Variants in PRKCB observed in about 807,000 individuals in gnomAD.
PRKCB encodes the protein protein kinase C beta type.
A neutral mutation model predicts 81.5 loss-of-function variants in PRKCB; 13 were observed. The observed-to-expected ratio is 0.16, with a 90% confidence interval of 0.10 to 0.25. The LOEUF (loss-of-function observed/expected upper bound fraction) is 0.25, where lower values mean the gene tolerates loss of function less well. PRKCB is among the 10% of genes least tolerant of loss of function. PRKCB has a pLI of 1.00. For missense variants in PRKCB, 509 were observed against 875.7 expected, an observed-to-expected ratio of 0.58 and a Z score of 5.29; for synonymous variants, 335 against 321.4, an observed-to-expected ratio of 1.04 and a Z score of -0.45.
At chr16:24,044,846 G>C (rs770952287) in intron 5 of PRKCB, among the ~76,000 whole-genome samples, 3 of 152,198 alleles carry the variant, frequency 2.0e-5, no homozygotes, top group African/African-American at 7.2e-5. Context: ...GAAAGGGTTA[G>C]GTTGCGTAAA....
intron 2 of PRKCB, among the ~76,000 whole-genome samples, chr16:23,867,070 TTCTTTCTCTTTCTTTCTTTC>T (rs1567295243): frequency 1.4e-5 from 1 of 69,156 alleles, no homozygotes; most frequent in East Asian, 3.2e-4. Context: ...CTCTCTTTCT[TTCTTTCTCTTTCTTTCTTTC>T]TCTTTCTTTC....
At chr16:24,180,202 C>T (rs1021170156) in intron 12 of PRKCB, among the ~76,000 whole-genome samples, 9 of 152,130 alleles carry the variant, frequency 5.9e-5, no homozygotes, top group Non-Finnish European at 1.0e-4. Flanking sequence ...CTTGGCCTCC[C>T]GAAGTGCTGG....
rs1436356431 is a variant in PRKCB, at chr16:23,836,005, G to T, written c.-171G>T. ...GCTGGACGAGCGGCAGCAGCTGGGC[G>T]AGTGACAGCCCCGGCTCCGCGCGCC... On this transcript the variant is annotated 5_prime_UTR_variant, in exon 1 of 17. Transcript: ENST00000643927. 3.4e-5 allele frequency: 8 copies of T among 234,196 alleles called. No homozygotes were observed. Among genetic ancestry groups the T allele is most frequent in the African/African-American group, 4.7e-5 (2 of 42,896 alleles). The allele number at this position is 234,196 out of a possible 1,614,324, so 14.5% of individuals were successfully genotyped here.
Position 23,988,462 on chromosome 16 carries a change from C to T in PRKCB, c.206-46C>T, listed in dbSNP as rs3729887. Reference sequence around the variant, plus strand: ...TCCCTTTCTCTCTCTTCCTCCTCTCCGCTTTCCTTCTTCCCTTCCTCCCAC... The same window carrying T: ...TCCCTTTCTCTCTCTTCCTCCTCTCTGCTTTCCTTCTTCCCTTCCTCCCAC... On this transcript the variant is annotated intron_variant, in intron 2 of 16. Transcript: ENST00000643927. 30,158 of 1,517,070 alleles carry T rather than the reference C, an allele frequency of 0.02. 409 individuals carry two copies. Among genetic ancestry groups the T allele is most frequent in the Non-Finnish European group, 0.021 (22,615 of 1,093,234 alleles). 94.0% of individuals were successfully genotyped at this position (1,517,070 alleles called of 1,614,324 possible).
chr16:24,199,970 A>G (rs1967933794), intron 16 of PRKCB, among the ~76,000 whole-genome samples: 2 of 152,252 alleles, frequency 1.3e-5, no homozygotes, highest in Admixed American at 1.3e-4. Flanking sequence ...CTGTTACATA[A>G]TAGAAAAAGA....
At chr16:24,209,015 G>A (rs1567413553) in intron 16 of PRKCB, among the ~76,000 whole-genome samples, 1 of 152,134 alleles carries the variant, frequency 6.6e-6, no homozygotes, top group Non-Finnish European at 1.5e-5. Context: ...GTGGGGAGAG[G>A]GAGGGGGAGG....
At chr16:24,120,770 A>G (rs1024998291) in intron 8 of PRKCB, among the ~76,000 whole-genome samples, 2 of 151,670 alleles carry the variant, frequency 1.3e-5, no homozygotes, top group East Asian at 3.9e-4. Flanking sequence ...GTCTCCCTTT[A>G]TCACTCAGGC....
chr16:23,990,399 A>T (rs551868412), intron 3 of PRKCB, among the ~76,000 whole-genome samples: 50 of 151,968 alleles, frequency 3.3e-4, no homozygotes, highest in African/African-American at 1.2e-3. Flanking sequence ...CAGAGCTTGC[A>T]GTAAGCGGAG....
chr16:23,922,572 G>C (rs752196743), intron 2 of PRKCB, among the ~76,000 whole-genome samples: 2 of 152,202 alleles, frequency 1.3e-5, no homozygotes, highest in Non-Finnish European at 2.9e-5. Context: ...ATGTGAAAGA[G>C]CTATGATACA....
chr16:24,158,526 A>G (rs1222339155), intron 10 of PRKCB, among the ~76,000 whole-genome samples: 1 of 145,524 alleles, frequency 6.9e-6, no homozygotes, highest in Admixed American at 7.0e-5. Context: ...TTTTAAAAAA[A>G]CATGTATATG....
intron 3 of PRKCB, among the ~76,000 whole-genome samples, chr16:23,998,672 C>A (rs1041935240): frequency 6.6e-6 from 1 of 152,146 alleles, no homozygotes; most frequent in Non-Finnish European, 1.5e-5. Context: ...TCTGTAAAAG[C>A]ACTTAGGACA....
At chr16:24,106,592 GA>G (rs1314947439) in intron 7 of PRKCB, among the ~76,000 whole-genome samples, 1 of 152,062 alleles carries the variant, frequency 6.6e-6, no homozygotes. Context: ...TCTAAGCCTG[GA>G]ATTGATGACT....
chr16:24,196,907 C>A (rs1967888093), intron 16 of PRKCB, among the ~76,000 whole-genome samples: 1 of 152,166 alleles, frequency 6.6e-6, no homozygotes, highest in African/African-American at 2.4e-5. Context: ...TTGTTCAGGG[C>A]ACACAGCAGG....
chr16:23,854,898 C>T (rs1962537479), intron 2 of PRKCB, among the ~76,000 whole-genome samples: 2 of 152,082 alleles, frequency 1.3e-5, no homozygotes, highest in African/African-American at 2.4e-5. Flanking sequence ...CAAATGAGTG[C>T]TCAACATTTA....
chr16:23,838,136 A>G (rs1271269419), intron 2 of PRKCB, among the ~76,000 whole-genome samples: 2 of 152,198 alleles, frequency 1.3e-5, no homozygotes, highest in African/African-American at 2.4e-5. Context: ...GACAGATTGC[A>G]AATTGGCTCT....
chr16:23,939,119 A>G (rs1964104708), intron 2 of PRKCB, among the ~76,000 whole-genome samples: 1 of 152,222 alleles, frequency 6.6e-6, no homozygotes, highest in African/African-American at 2.4e-5. Context: ...AATTGAAAAT[A>G]TAATACTATT....
chr16:23,967,607 G>T (rs889167205), intron 2 of PRKCB, among the ~76,000 whole-genome samples: 1 of 152,124 alleles, frequency 6.6e-6, no homozygotes, highest in African/African-American at 2.4e-5. Context: ...AAATTTTTGT[G>T]TGGTGTCTTT....
At chr16:24,093,092 T>A in intron 6 of PRKCB, 145 bp downstream of exon 6, 1 of 890,762 alleles carries the variant, frequency 1.1e-6, no homozygotes, top group Non-Finnish European at 1.6e-6. Context: ...CTCACTCCTA[T>A]CTTTCCCTCC....
intron 5 of PRKCB, among the ~76,000 whole-genome samples, chr16:24,086,606 T>G (rs554295347): frequency 2.6e-4 from 39 of 152,366 alleles, no homozygotes; most frequent in African/African-American, 8.4e-4. Flanking sequence ...GCCAGGGCAA[T>G]AGATTCTTGG....
Sources: gnomAD v4.1 joint callset for allele counts (sites outside exome capture counted in the v4.1 genomes callset) on GRCh38, gnomAD v4.1.1 for gene constraint, MANE v1.5 for transcripts, NCBI Gene and HGNC (gene_info 2026-07-23, HGNC 2026-07-21) for gene names.